Variants in FSTL1 observed in about 807,000 individuals in gnomAD.
FSTL1 encodes follistatin-related protein 1.
A neutral mutation model predicts 45.9 loss-of-function variants in FSTL1; 24 were observed. That is an observed-to-expected ratio of 0.52 (90% CI 0.38 to 0.74). FSTL1 has a LOEUF of 0.74. Among genes scored for constraint, FSTL1 ranks in the 30% least tolerant of loss-of-function variants. The pLI is 0.00. For missense variants in FSTL1, 340 were observed against 381.8 expected (o/e 0.89, Z 0.91); for synonymous variants, 120 against 137.6 (o/e 0.87, Z 0.89).
At chr3:120,403,945 C>CAAA (rs1560011583) in intron 7 of FSTL1, among the ~76,000 whole-genome samples, 1 of 74,466 alleles carries the variant, frequency 1.3e-5, no homozygotes, top group Non-Finnish European at 2.6e-5. Flanking sequence ...AAAAAAAAAA[C>CAAA]AAAAACAAAA....
intron 2 of FSTL1, chr3:120,441,449 T>G (rs1207544271): frequency 6.6e-6 from 1 of 152,224 alleles, no homozygotes; most frequent in Non-Finnish European, 1.5e-5. Flanking sequence ...AAACACTACA[T>G]AGAAGTTTAA....
intron 6 of FSTL1, among the ~76,000 whole-genome samples, chr3:120,406,850 C>T (rs997707325): frequency 2.0e-5 from 3 of 151,742 alleles, no homozygotes; most frequent in Non-Finnish European, 4.4e-5. Context: ...TGCTTGGGAC[C>T]AGAAGTGTTT....
rs371453080 is a variant in FSTL1 at position 120,409,556 on chromosome 3, A to G, written c.438T>C (p.Ser146=). The change falls in exon 6 of 11, where the codon AGT becomes AGC. Residue 146 remains serine (S), a synonymous_variant. Coordinates refer to ENST00000295633, the MANE Select transcript of FSTL1 (RefSeq NM_007085.5). ...DGWFSKGSNY[S]EILDKYFKNF... is the part of the protein sequence containing the mutation. ...CCTTAAAATACTTGTCTAGGATTTC[A>G]CTGTAGTTGCTGCCTTTAGAGAACC... is the stretch of plus-strand genomic sequence containing the variant. The G allele has an allele frequency of 2.5e-6, 4 of 1,613,964 alleles. No individual in the cohort carries two copies. The highest frequency in any genetic ancestry group is 3.4e-6 in the Non-Finnish European group (4 of 1,179,824).
intron 2 of FSTL1, among the ~76,000 whole-genome samples, chr3:120,418,657 G>A (rs1937228455): frequency 2.0e-5 from 3 of 152,184 alleles, no homozygotes; most frequent in Admixed American, 6.5e-5. Context: ...TTAAGAGTGC[G>A]TCAGAGATTT....
At chr3:120,400,219 G>T in intron 9 of FSTL1, 1 of 467,178 alleles carries the variant, frequency 2.1e-6, no homozygotes, top group Non-Finnish European at 3.8e-6. Flanking sequence ...ATCCCAGCCA[G>T]AAGCTGGCCC....
intron 2 of FSTL1, among the ~76,000 whole-genome samples, chr3:120,440,138 C>A (rs1937613155): frequency 6.6e-6 from 1 of 151,304 alleles, no homozygotes; most frequent in Non-Finnish European, 1.5e-5. Flanking sequence ...ACAACTGGTA[C>A]AAAAAAAAAC....
At chr3:120,408,889 T>A (rs1936997351) in intron 6 of FSTL1, among the ~76,000 whole-genome samples, 1 of 152,230 alleles carries the variant, frequency 6.6e-6, no homozygotes. Context: ...TCAAGTTCTG[T>A]GAAAGATCTG....
chr3:120,395,622 A>G lies in FSTL1; in HGVS notation c.*1330T>C, dbSNP rs1189602798. The G allele has an allele frequency of 1.9e-6, 1 of 529,274 alleles. No homozygotes were observed. The highest frequency in any genetic ancestry group is 5.5e-5 in the East Asian group (1 of 18,266). 32.8% of individuals were successfully genotyped at this position (529,274 alleles called of 1,614,324 possible). On this transcript the variant is annotated 3_prime_UTR_variant, in exon 11 of 11. Coordinates refer to ENST00000295633, the MANE Select transcript of FSTL1 (RefSeq NM_007085.5). ...CATCAGGCTGAGATCAAATCTGGTC[A>G]TCTTGTTTTTGGCCATCTGACATTT...
chr3:120,414,299 C>G (rs1313178291), intron 3 of FSTL1, among the ~76,000 whole-genome samples: 1 of 152,022 alleles, frequency 6.6e-6, no homozygotes, highest in Non-Finnish European at 1.5e-5. Context: ...ACGTGAGAAG[C>G]GTCTCTGCCC....
At chr3:120,403,094 C>T (rs1936859953) in intron 8 of FSTL1, 148 bp downstream of exon 8, 1 of 700,986 alleles carries the variant, frequency 1.4e-6, no homozygotes, top group Non-Finnish European at 2.6e-6. Context: ...CTAACTTCAC[C>T]ATGGGGAGAA....
chr3:120,420,293 G>A (rs1459239099), intron 2 of FSTL1, among the ~76,000 whole-genome samples: 2 of 152,192 alleles, frequency 1.3e-5, no homozygotes, highest in Non-Finnish European at 2.9e-5. Flanking sequence ...GAGGTCACAG[G>A]CAGGTCCAAT....
At chr3:120,442,794 A>G (rs1306014382) in intron 2 of FSTL1, among the ~76,000 whole-genome samples, 1 of 148,362 alleles carries the variant, frequency 6.7e-6, no homozygotes. Flanking sequence ...AAAAGAAAAA[A>G]AAAAAAAAAA....
At chr3:120,447,340 G>C (rs991242441) in intron 2 of FSTL1, among the ~76,000 whole-genome samples, 2 of 152,206 alleles carry the variant, frequency 1.3e-5, no homozygotes, top group Non-Finnish European at 2.9e-5. Flanking sequence ...GTAATTATTA[G>C]TGCAGGCACT....
intron 2 of FSTL1, among the ~76,000 whole-genome samples, chr3:120,422,466 T>C (rs923226698): frequency 6.6e-6 from 1 of 152,206 alleles, no homozygotes; most frequent in Non-Finnish European, 1.5e-5. Flanking sequence ...CTTAAATATA[T>C]GCAATTTTTA....
In FSTL1 at chr3:120,396,995, T is replaced by G. The variant is rs766630165; in HGVS notation, c.884A>C (p.Glu295Ala). 4.3e-6 allele frequency: 7 copies of G among 1,609,626 alleles called. No individual in the cohort carries two copies. The South Asian group carries it at 5.5e-5, about 13-fold the overall frequency. Residue 295 changes from glutamate to alanine, a missense_variant and splice_region_variant, in exon 11 of 11, where the codon GAA becomes GCA. By Grantham distance (107) the Glu-to-Ala change is moderately radical (BLOSUM62 -1). Coordinates refer to ENST00000295633, the MANE Select transcript of FSTL1 (RefSeq NM_007085.5). ...RYVQELQKHQETAEKTKRVST... is the reference protein window; with the variant it reads ...RYVQELQKHQATAEKTKRVST... ...CACTCTCTTGGTCTTTTCAGCTGTT[T>G]CCTTTGAGATGCAAGAGAAAATAGG...
intron 6 of FSTL1, among the ~76,000 whole-genome samples, chr3:120,405,638 A>G (rs1559734684): frequency 6.6e-6 from 1 of 152,238 alleles, no homozygotes. Context: ...GCCCCACTGC[A>G]GATGTGTGCA....
Position 120,395,778 on chromosome 3 carries a change from C to A in FSTL1, c.*1174G>T, listed in dbSNP as rs1289467875. 1 of 521,752 alleles carries A rather than the reference C, an allele frequency of 1.9e-6. No homozygotes were observed. Among genetic ancestry groups the A allele is most frequent in the Admixed American group, 2.1e-5 (1 of 48,668 alleles). The allele number at this position is 521,752 out of a possible 1,614,324, so 32.3% of individuals were successfully genotyped here. A position where few individuals can be genotyped will look rare whatever the true frequency, so the allele number is the denominator to read the frequency against. ...TATCAAATCAAAAGGTTAGTGCATTCTTACCAGCTCACTGAGGAAACTGAG... is the reference window on the plus strand; with the variant it reads ...TATCAAATCAAAAGGTTAGTGCATTATTACCAGCTCACTGAGGAAACTGAG... On this transcript the variant is annotated 3_prime_UTR_variant, in exon 11 of 11. Transcript: ENST00000295633.
Position 120,404,953 on chromosome 3 carries a change from A to G in FSTL1, c.481T>C (p.Ser161Pro). 1 of 1,582,768 alleles carries G rather than the reference A, an allele frequency of 6.3e-7. No individual in the cohort carries two copies. The highest frequency in any genetic ancestry group is 8.7e-7 in the Non-Finnish European group (1 of 1,151,328). The change falls in exon 7 of 11, where the codon TCT becomes CCT. Residue 161 changes from serine (S) to proline (P), a missense_variant. Physicochemically the swap from Ser to Pro is moderately conservative, Grantham distance 74. Coordinates refer to ENST00000295633, the MANE Select transcript of FSTL1 (RefSeq NM_007085.5). Reference protein sequence around the residue: ...KYFKNFDNGDSRLDSSEFLKF... With the variant: ...KYFKNFDNGDPRLDSSEFLKF... ...AGGAATTCACTGGAGTCCAGGCGAG[A>G]ATCACCATTATCAAAGTTCTAGAAA...
chr3:120,441,572 T>C (rs567788380), intron 2 of FSTL1, among the ~76,000 whole-genome samples: 1 of 152,336 alleles, frequency 6.6e-6, no homozygotes, highest in African/African-American at 2.4e-5. Flanking sequence ...GATAATTAAA[T>C]CTCTGGAGAG....
Sources: gnomAD v4.1 joint callset for allele counts (sites outside exome capture counted in the v4.1 genomes callset) on GRCh38, gnomAD v4.1.1 for gene constraint, MANE v1.5 for transcripts, NCBI Gene and HGNC (gene_info 2026-07-23, HGNC 2026-07-21) for gene names.